PPFIA2: variants seen among roughly 807,000 people sequenced by gnomAD.
PPFIA2 encodes the protein PPFI scaffold protein A2, also known as liprin-alpha-2.
A neutral mutation model predicts 175.5 loss-of-function variants in PPFIA2; 46 were observed. The observed-to-expected ratio is 0.26, with a 90% CI of 0.21 to 0.34. PPFIA2 has a LOEUF of 0.34. Ranked by LOEUF, PPFIA2 falls within the 10% of genes least tolerant of loss-of-function variation. The pLI, the probability that PPFIA2 is intolerant of heterozygous loss-of-function variation, is 1.00. For synonymous variants in PPFIA2, 568 were observed against 511.4 expected, an observed-to-expected ratio of 1.11 and a Z score of -1.49; for missense variants, 1,179 against 1,506.1, an observed-to-expected ratio of 0.78 and a Z score of 3.60.
intron 31 of PPFIA2, among the ~76,000 whole-genome samples, chr12:81,262,485 G>T (rs1376398497): frequency 6.6e-6 from 1 of 152,068 alleles, no homozygotes; most frequent in African/African-American, 2.4e-5. Flanking sequence ...AGTTTATGTT[G>T]GAACTAAATT....
chr12:81,615,858 AG>A (rs1485709086), intron 4 of PPFIA2, among the ~76,000 whole-genome samples: 3 of 152,136 alleles, frequency 2.0e-5, no homozygotes, highest in Non-Finnish European at 2.9e-5. Context: ...GCTGAGGGAG[AG>A]GCTCCAGGAG....
chr12:81,344,073 A>G (rs1278478446), intron 19 of PPFIA2, among the ~76,000 whole-genome samples: 2 of 152,000 alleles, frequency 1.3e-5, no homozygotes, highest in Non-Finnish European at 2.9e-5. Context: ...AGGCCAGACA[A>G]AATTAATCAG....
intron 3 of PPFIA2, among the ~76,000 whole-genome samples, chr12:81,723,657 T>C (rs906595311): frequency 3.3e-5 from 5 of 151,046 alleles, no homozygotes; most frequent in African/African-American, 1.2e-4. Flanking sequence ...CAATTATCTA[T>C]ACACATTGAA....
At chr12:81,611,287 CAT>C (rs2085056777) in intron 4 of PPFIA2, among the ~76,000 whole-genome samples, 1 of 152,096 alleles carries the variant, frequency 6.6e-6, no homozygotes, top group Non-Finnish European at 1.5e-5. Context: ...CAGAGGGAGG[CAT>C]ACTCCACTCC....
At chr12:81,494,120 G>A (rs575250362) in intron 4 of PPFIA2, among the ~76,000 whole-genome samples, 19 of 152,052 alleles carry the variant, frequency 1.2e-4, no homozygotes, top group Admixed American at 3.3e-4. Context: ...AAGAGTTTCT[G>A]CACAGCAAAA....
At chr12:81,267,874 A>G (rs763341297) in intron 29 of PPFIA2, 38 bp downstream of exon 29, 2 of 1,544,870 alleles carry the variant, frequency 1.3e-6, no homozygotes, top group Admixed American at 1.9e-5. Flanking sequence ...CATTATATAA[A>G]CCAGAACACA....
chr12:81,658,268 CA>C (rs1318255722), intron 4 of PPFIA2, among the ~76,000 whole-genome samples: 51 of 114,522 alleles, frequency 4.5e-4, no homozygotes, highest in Admixed American at 1.1e-3. Context: ...AACTCCATCT[CA>C]AAAAAAAAAA....
intron 3 of PPFIA2, among the ~76,000 whole-genome samples, chr12:81,697,136 A>G (rs964515071): frequency 1.3e-5 from 2 of 152,100 alleles, no homozygotes; most frequent in Non-Finnish European, 2.9e-5. Context: ...CTTAATTAAT[A>G]TGTTTAAAAT....
chr12:81,656,035 A>T (rs1351526531), intron 4 of PPFIA2, among the ~76,000 whole-genome samples: 1 of 151,982 alleles, frequency 6.6e-6, no homozygotes, highest in African/African-American at 2.4e-5. Context: ...ATTTTTTGAA[A>T]GACCATGGTT....
intron 3 of PPFIA2, among the ~76,000 whole-genome samples, chr12:81,743,539 T>G (rs1195461805): frequency 1.4e-5 from 2 of 139,818 alleles, no homozygotes; most frequent in African/African-American, 5.4e-5. Context: ...AAAAGAGAAA[T>G]GTAGGTACAT....
chr12:81,414,429 T>C (rs1212126562), intron 7 of PPFIA2, among the ~76,000 whole-genome samples: 1 of 151,742 alleles, frequency 6.6e-6, no homozygotes, highest in Non-Finnish European at 1.5e-5. Flanking sequence ...GTATACAGCA[T>C]AAGCACTTAA....
chr12:81,705,555 T>G (rs996879341), intron 3 of PPFIA2, among the ~76,000 whole-genome samples: 9 of 150,810 alleles, frequency 6.0e-5, no homozygotes, highest in Non-Finnish European at 7.4e-5. Flanking sequence ...AGGAAGATAA[T>G]CCTATGAACC....
At position 81,461,855 on chromosome 12, in the gene PPFIA2, C is replaced by T. The variant is rs79416475; in HGVS notation, c.304-3989G>A. Among the ~76,000 whole-genome samples, 25 of 152,130 alleles carry T rather than the reference C, an allele frequency of 1.6e-4. No individual in the cohort carries two copies. In the East Asian group the frequency reaches 4.6e-3, roughly 28 times the overall value. ...ATTTTTAAAAGCACTAGTTAGCCTTCTTAATGCTTTAAAATACCTAGTTGT... is the reference window on the plus strand; with the variant it reads ...ATTTTTAAAAGCACTAGTTAGCCTTTTTAATGCTTTAAAATACCTAGTTGT... On this transcript the variant is annotated intron_variant, in intron 4 of 32. Coordinates refer to ENST00000549396, the MANE Select transcript of PPFIA2 (RefSeq NM_003625.5).
chr12:81,651,389 T>C (rs1462958082), intron 4 of PPFIA2, among the ~76,000 whole-genome samples: 1 of 152,158 alleles, frequency 6.6e-6, no homozygotes, highest in Non-Finnish European at 1.5e-5. Context: ...GGCAGAAACA[T>C]TAACAAAACT....
At chr12:81,608,747 T>C (rs897696114) in intron 4 of PPFIA2, among the ~76,000 whole-genome samples, 3 of 152,036 alleles carry the variant, frequency 2.0e-5, no homozygotes, top group Non-Finnish European at 4.4e-5. Context: ...AAACAAGTCT[T>C]GGTTTCATCA....
At chr12:81,621,870 T>C (rs1333625444) in intron 4 of PPFIA2, among the ~76,000 whole-genome samples, 1 of 152,154 alleles carries the variant, frequency 6.6e-6, no homozygotes, top group Non-Finnish European at 1.5e-5. Context: ...ACATATTACC[T>C]AGGATTTCAG....
chr12:81,386,320 T>TA (rs1555340058), intron 8 of PPFIA2, among the ~76,000 whole-genome samples: 5 of 131,298 alleles, frequency 3.8e-5, no homozygotes, highest in African/African-American at 1.5e-4. Context: ...AATAAATAAA[T>TA]AAGAAAAGAA....
chr12:81,331,594 AAAAAAGCTCTTTAAATGTGTATAT>A (rs2056139912), intron 21 of PPFIA2, among the ~76,000 whole-genome samples: 1 of 152,196 alleles, frequency 6.6e-6, no homozygotes, highest in African/African-American at 2.4e-5. Flanking sequence ...TTTAGAGGCA[AAAAAAGCTCTTTAAATGTGTATAT>A]TGCTTTTCAT....
chr12:81,406,953 T>C (rs2043042956), intron 7 of PPFIA2, among the ~76,000 whole-genome samples: 2 of 152,196 alleles, frequency 1.3e-5, no homozygotes, highest in Non-Finnish European at 2.9e-5. Flanking sequence ...ACTATTTCAA[T>C]GCCATATTAC....
Sources: allele counts gnomAD v4.1 joint callset (sites outside exome capture counted in the v4.1 genomes callset), GRCh38; gene constraint gnomAD v4.1.1; transcripts MANE v1.5; gene names NCBI Gene and HGNC (gene_info 2026-07-23, HGNC 2026-07-21).